SFI1: variants seen among roughly 807,000 people sequenced by gnomAD.
The protein encoded by SFI1 is protein SFI1 homolog.
Under a neutral mutation model 207.5 loss-of-function variants are expected in SFI1, and 195 were observed. The observed-to-expected ratio is 0.94, with a 90% confidence interval of 0.84 to 1.06. The LOEUF is 1.06. Ranked by LOEUF, SFI1 falls within the 50% of genes least tolerant of loss-of-function variation. The pLI, the probability that SFI1 is intolerant of heterozygous loss-of-function variation, is 0.00. For missense variants in SFI1, 1,634 were observed against 1,588.0 expected, an observed-to-expected ratio of 1.03 and a Z score of -0.49; for synonymous variants, 630 against 598.9, an observed-to-expected ratio of 1.05 and a Z score of -0.76.
At chr22:31,545,518 T>A (rs146706220) in intron 4 of SFI1, among the ~76,000 whole-genome samples, 1,785 of 152,148 alleles carry the variant, frequency 0.012, 10 homozygotes, top group Middle Eastern at 0.031. Context: ...ACATTTTTTT[T>A]TCTTATTTTT....
intron 1 of SFI1, among the ~76,000 whole-genome samples, chr22:31,499,954 C>T (rs9609301): frequency 0.23 from 32,382 of 142,942 alleles, 4,524 homozygotes; most frequent in East Asian, 0.44. Context: ...CACTGTGCTC[C>T]AGCCTGGGCG....
At chr22:31,517,888 T>C (rs2056744247) in intron 2 of SFI1, among the ~76,000 whole-genome samples, 1 of 152,214 alleles carries the variant, frequency 6.6e-6, no homozygotes, top group Non-Finnish European at 1.5e-5. Flanking sequence ...CTAGTACTTT[T>C]AAGAATGTCT....
chr22:31,523,946 CTTT>C (rs563840359), intron 2 of SFI1, among the ~76,000 whole-genome samples: 2 of 135,790 alleles, frequency 1.5e-5, no homozygotes, highest in Non-Finnish European at 1.6e-5. Flanking sequence ...GCAAGGACTA[CTTT>C]TTTTTTTTTT....
rs778728324 is a variant in SFI1 at position 31,613,467 on chromosome 22, C to T, written c.2679C>T (p.Leu893=). The T allele has an allele frequency of 3.1e-6, 5 of 1,603,220 alleles. No homozygotes were observed. The East Asian group carries it at 1.1e-4, about 36-fold the overall frequency. ...TCCTCCAGGAGGGTGCCACGCGGCT[C>T]CTGCGCTTTGCAGCCAGCATGAAGG... is the stretch of plus-strand genomic sequence containing the variant. ...GQLLQEGATR[L]LRFAASMKAS... is the part of the protein sequence containing the mutation. Residue 893 remains leucine, a synonymous_variant, in exon 26 of 33, where the codon CTC becomes CTT. Transcript: ENST00000400288.
chr22:31,541,216 TC>T (rs1375993355), intron 4 of SFI1, among the ~76,000 whole-genome samples: 2 of 151,996 alleles, frequency 1.3e-5, no homozygotes, highest in Non-Finnish European at 2.9e-5. Context: ...GTCTCCCTTC[TC>T]CCCCTACAAG....
chr22:31,593,240 G>A (rs1376289079), intron 15 of SFI1, among the ~76,000 whole-genome samples: 1 of 150,080 alleles, frequency 6.7e-6, no homozygotes, highest in Admixed American at 6.6e-5. Context: ...CTTCTCAGAC[G>A]GGGTGGTTGC....
chr22:31,569,773 C>T (rs1270237336), intron 8 of SFI1, among the ~76,000 whole-genome samples: 1 of 151,920 alleles, frequency 6.6e-6, no homozygotes, highest in Non-Finnish European at 1.5e-5. Flanking sequence ...CATGGTGAAA[C>T]CCTGTCTCTA....
At chr22:31,497,977 G>A (rs750402176) in intron 1 of SFI1, among the ~76,000 whole-genome samples, 1 of 152,184 alleles carries the variant, frequency 6.6e-6, no homozygotes, top group Non-Finnish European at 1.5e-5. Context: ...GAGTAATTTT[G>A]ACTTTCAAGT....
chr22:31,583,922 A>G lies in SFI1; in HGVS notation c.1296A>G (p.Lys432=). The change falls in exon 13 of 33, where the codon AAA becomes AAG. Residue 432 remains lysine, a synonymous_variant. Transcript: ENST00000400288. Reference sequence around the variant, plus strand: ...TCTGGCGGTCTCAGATTGAGCAGAAAAAGGAAAGAGAGCTGCTCCCCTTAC... The same window carrying G: ...TCTGGCGGTCTCAGATTGAGCAGAAGAAGGAAAGAGAGCTGCTCCCCTTAC... ...WNLWRSQIEQ[K]KERELLPLLH... 6.2e-7 allele frequency: 1 copy of G among 1,614,162 alleles called. No homozygotes were observed. The highest frequency in any genetic ancestry group is 8.5e-7 in the Non-Finnish European group (1 of 1,180,028).
chr22:31,606,933 G>C (rs1243314884), intron 21 of SFI1, among the ~76,000 whole-genome samples: 1 of 151,964 alleles, frequency 6.6e-6, no homozygotes, highest in Non-Finnish European at 1.5e-5. Flanking sequence ...GATGACCTCA[G>C]GTGATCCATC....
At chr22:31,588,867 T>G (rs2065396360) in intron 14 of SFI1, among the ~76,000 whole-genome samples, 1 of 151,490 alleles carries the variant, frequency 6.6e-6, no homozygotes. Flanking sequence ...CCTCTATACA[T>G]GCATATATGC....
intron 22 of SFI1, among the ~76,000 whole-genome samples, chr22:31,609,701 C>A (rs2069726156): frequency 6.6e-6 from 1 of 152,226 alleles, no homozygotes. Context: ...CATTACTGCG[C>A]CACGAATGTG....
At position 31,557,018 on chromosome 22, in the gene SFI1, G is replaced by A; in HGVS notation, c.621G>A (p.Met207Ile). Reference sequence around the variant, plus strand: ...TTGTTCGTAGGACCAAACTTCAGATGCAGACTACAGCTCTGGAGTTTAGGC... The same window carrying A: ...TTGTTCGTAGGACCAAACTTCAGATACAGACTACAGCTCTGGAGTTTAGGC... The part of the protein sequence containing the change: ...YVVVRRTKLQ[M>I]QTTALEFRQR... The change falls in exon 7 of 33, where the codon ATG (methionine) becomes ATA (isoleucine). Residue 207 changes from methionine (M) to isoleucine (I), a missense_variant. Coordinates refer to ENST00000400288, the MANE Select transcript of SFI1 (RefSeq NM_001007467.3). The A allele has an allele frequency of 6.2e-7, 1 of 1,612,082 alleles. No homozygotes were observed.
intron 8 of SFI1, among the ~76,000 whole-genome samples, chr22:31,569,971 G>C (rs917567437): frequency 2.7e-5 from 4 of 147,296 alleles, no homozygotes; most frequent in Non-Finnish European, 6.0e-5. Flanking sequence ...AAAAAAATTA[G>C]CTGGGCATGG....
intron 4 of SFI1, among the ~76,000 whole-genome samples, chr22:31,534,782 T>C (rs781581660): frequency 2.0e-5 from 3 of 152,082 alleles, no homozygotes; most frequent in Non-Finnish European, 4.4e-5. Flanking sequence ...AGGTTTTTTT[T>C]TTTCTTTTTT....
chr22:31,499,556 C>T (rs557419907), intron 1 of SFI1, among the ~76,000 whole-genome samples: 1 of 152,100 alleles, frequency 6.6e-6, no homozygotes, highest in Non-Finnish European at 1.5e-5. Context: ...TAGAGTATTA[C>T]ATAAACTTAG....
chr22:31,542,317 C>T (rs1312318552), intron 4 of SFI1, among the ~76,000 whole-genome samples: 1 of 151,718 alleles, frequency 6.6e-6, no homozygotes, highest in African/African-American at 2.4e-5. Context: ...TGTATTCCAA[C>T]ATATGGGTGC....
intron 15 of SFI1, among the ~76,000 whole-genome samples, chr22:31,591,522 C>T (rs906364311): frequency 1.3e-5 from 2 of 149,106 alleles, no homozygotes; most frequent in Non-Finnish European, 3.0e-5. Flanking sequence ...CAGAGGGGCT[C>T]CTCACTTCCC....
chr22:31,564,716 C>T (rs1214640873), intron 8 of SFI1, among the ~76,000 whole-genome samples: 2 of 151,472 alleles, frequency 1.3e-5, no homozygotes, highest in African/African-American at 4.9e-5. Flanking sequence ...CACCATGTTG[C>T]CCAGGCTGGT....
Sources: allele counts gnomAD v4.1 joint callset (sites outside exome capture counted in the v4.1 genomes callset), GRCh38; gene constraint gnomAD v4.1.1; transcripts MANE v1.5; gene names NCBI Gene and HGNC (gene_info 2026-07-23, HGNC 2026-07-21).